Variants in PRKCQ observed in about 807,000 individuals in gnomAD.
PRKCQ encodes the protein protein kinase C theta.
In PRKCQ, 41 loss-of-function variants were observed where a neutral mutation model predicts 91.2. The observed-to-expected ratio is 0.45, with a 90% CI of 0.35 to 0.58. PRKCQ has a LOEUF of 0.58. PRKCQ is among the 20% of genes least tolerant of loss of function. The pLI, the probability that PRKCQ is intolerant of heterozygous loss-of-function variation, is 0.00. For missense variants in PRKCQ, 673 were observed against 896.5 expected, an observed-to-expected ratio of 0.75 and a Z score of 3.18; for synonymous variants, 307 against 316.9, an observed-to-expected ratio of 0.97 and a Z score of 0.33.
chr10:6,397,506 A>G, the PRKCQ span, among the ~76,000 whole-genome samples: 1 of 152,182 alleles, frequency 6.6e-6, no homozygotes, highest in Non-Finnish European at 1.5e-5. Flanking sequence ...ATTTTCTCCT[A>G]GTCTCTTGGC....
chr10:6,495,983 A>C (rs1028888785), intron 7 of PRKCQ, among the ~76,000 whole-genome samples: 7 of 152,168 alleles, frequency 4.6e-5, no homozygotes, highest in Non-Finnish European at 8.8e-5. Context: ...TGGAAGGCCA[A>C]GACAGGTGAA....
At chr10:6,557,700 C>T (rs1840474302) in intron 1 of PRKCQ, among the ~76,000 whole-genome samples, 2 of 152,178 alleles carry the variant, frequency 1.3e-5, no homozygotes, top group Non-Finnish European at 2.9e-5. Flanking sequence ...TATTCAACTC[C>T]ATATTGGACC....
At chr10:6,535,850 C>G (rs1373490996) in intron 1 of PRKCQ, among the ~76,000 whole-genome samples, 1 of 152,172 alleles carries the variant, frequency 6.6e-6, no homozygotes, top group Admixed American at 6.5e-5. Context: ...GTCTGTCACT[C>G]ATTTTAAGCT....
intron 12 of PRKCQ, among the ~76,000 whole-genome samples, chr10:6,475,765 A>T (rs994090912): frequency 1.3e-5 from 2 of 152,238 alleles, no homozygotes; most frequent in African/African-American, 4.8e-5. Context: ...CACTTGTGGT[A>T]TTTAATCAGT....
At chr10:6,434,389 T>A (rs1033406798) in intron 16 of PRKCQ, among the ~76,000 whole-genome samples, 3 of 152,176 alleles carry the variant, frequency 2.0e-5, no homozygotes, top group Non-Finnish European at 2.9e-5. Context: ...AAATATATTT[T>A]AAAAAATTAA....
chr10:6,517,901 A>C (rs890795243), intron 1 of PRKCQ, among the ~76,000 whole-genome samples: 5 of 152,334 alleles, frequency 3.3e-5, no homozygotes, highest in Admixed American at 1.3e-4. Context: ...CAGGATACAA[A>C]AATCATAGTT....
At chr10:6,530,897 G>A (rs77895947) in intron 1 of PRKCQ, among the ~76,000 whole-genome samples, 1 of 152,122 alleles carries the variant, frequency 6.6e-6, no homozygotes, top group Admixed American at 6.5e-5. Flanking sequence ...TCTAGCTTAC[G>A]GGACTCTCTA....
intron 1 of PRKCQ, among the ~76,000 whole-genome samples, chr10:6,552,458 G>GCCT (rs1238443635): frequency 2.2e-5 from 3 of 138,846 alleles, no homozygotes; most frequent in African/African-American, 8.8e-5. Flanking sequence ...AAACCTGTTA[G>GCCT]TCTTTTTTTT....
chr10:6,520,001 A>C (rs1398883007), intron 1 of PRKCQ, among the ~76,000 whole-genome samples: 1 of 152,172 alleles, frequency 6.6e-6, no homozygotes, highest in East Asian at 1.9e-4. Flanking sequence ...CTGTTCAGCC[A>C]TCCTGGTGGT....
chr10:6,528,565 C>T (rs895580916), intron 1 of PRKCQ, among the ~76,000 whole-genome samples: 11 of 152,228 alleles, frequency 7.2e-5, no homozygotes, highest in Admixed American at 3.3e-4. Flanking sequence ...TTCTCCATCT[C>T]CCTGTCTCCT....
intron 1 of PRKCQ, among the ~76,000 whole-genome samples, chr10:6,563,095 T>G (rs1840695168): frequency 6.6e-6 from 1 of 152,110 alleles, no homozygotes; most frequent in Non-Finnish European, 1.5e-5. Context: ...CCCTGTCCCT[T>G]GTCAACTAGA....
chr10:6,419,979 G>A, the PRKCQ span, among the ~76,000 whole-genome samples: 1,639 of 151,494 alleles, frequency 0.011, 34 homozygotes, highest in African/African-American at 0.037. Flanking sequence ...GTGAGGCAAC[G>A]TGCCCAGCCG....
At chr10:6,395,501 T>C in the PRKCQ span, among the ~76,000 whole-genome samples, 9 of 152,116 alleles carry the variant, frequency 5.9e-5, no homozygotes, top group Non-Finnish European at 1.3e-4. Context: ...CTGCAAAATA[T>C]CTCAAGCCCT....
chr10:6,537,055 G>T (rs2130909933), intron 1 of PRKCQ, among the ~76,000 whole-genome samples: 1 of 152,238 alleles, frequency 6.6e-6, no homozygotes, highest in East Asian at 1.9e-4. Context: ...ATCAGGGACA[G>T]AAAGATGGGG....
At chr10:6,420,202 T>G in the PRKCQ span, among the ~76,000 whole-genome samples, 1 of 152,196 alleles carries the variant, frequency 6.6e-6, no homozygotes, top group African/African-American at 2.4e-5. Flanking sequence ...TTGGTCAAGC[T>G]GGTGTCGAAC....
intron 4 of PRKCQ, 135 bp from the exon 5 acceptor site, chr10:6,498,693 G>C (rs1588336192): frequency 1.3e-6 from 1 of 775,696 alleles, no homozygotes; most frequent in African/African-American, 1.7e-5. Context: ...AACATTCCAG[G>C]TACTCATTAT....
At chr10:6,436,810 C>G (rs879804082) in intron 16 of PRKCQ, among the ~76,000 whole-genome samples, 1 of 63,108 alleles carries the variant, frequency 1.6e-5, no homozygotes, top group Non-Finnish European at 5.0e-5. Context: ...TGGAAGGAAC[C>G]CTTTCTTCCC....
At chr10:6,419,685 CTTT>C in the PRKCQ span, among the ~76,000 whole-genome samples, 16,694 of 108,604 alleles carry the variant, frequency 0.15, 2,683 homozygotes, top group African/African-American at 0.42. Flanking sequence ...CTGAAATCTC[CTTT>C]TTTTTTTTTT....
At position 6,571,295 on chromosome 10, in the gene PRKCQ, C is replaced by T. The variant is rs76667888; in HGVS notation, c.-10+8916G>A. On this transcript the variant is annotated intron_variant, in intron 1 of 17. Transcript: ENST00000263125. ...CATCATCTCACACAACATCACCAGGCGGTCCTTCCCCAGCAGCAAGGGAAA... is the reference window on the plus strand; with the variant it reads ...CATCATCTCACACAACATCACCAGGTGGTCCTTCCCCAGCAGCAAGGGAAA... 6.1e-3 allele frequency among the ~76,000 whole-genome samples: 927 copies of T among 152,310 alleles called. 3 individuals are homozygous for T. Among genetic ancestry groups the T allele is most frequent in the Admixed American group, 0.018 (270 of 15,294 alleles).
Sources: gnomAD v4.1 joint callset for allele counts (sites outside exome capture counted in the v4.1 genomes callset) on GRCh38, gnomAD v4.1.1 for gene constraint, MANE v1.5 for transcripts, NCBI Gene and HGNC (gene_info 2026-07-23, HGNC 2026-07-21) for gene names.